The following AFF1 variants were observed in gnomAD, a reference collection of about 807,000 sequenced individuals.
AFF1 encodes ALF transcription elongation factor 1, also known as AF4/FMR2 family member 1.
Under a neutral mutation model 121.7 loss-of-function variants are expected in AFF1, and 48 were observed. The ratio of observed to expected loss-of-function variants is 0.39; its 90% CI spans 0.31 to 0.50. The LOEUF is 0.50. AFF1 is among the 20% of genes least tolerant of loss of function. The probability of loss-of-function intolerance (pLI) is 0.76; values close to 1 mark genes in which losing one functional copy is unlikely to be tolerated. For missense variants in AFF1, 1,523 were observed against 1,511.7 expected, an observed-to-expected ratio of 1.01 and a Z score of -0.12; for synonymous variants, 613 against 563.0, an observed-to-expected ratio of 1.09 and a Z score of -1.26.
At chr4:87,068,615 G>A (rs1469868830) in intron 4 of AFF1, among the ~76,000 whole-genome samples, 4 of 152,212 alleles carry the variant, frequency 2.6e-5, no homozygotes, top group African/African-American at 9.6e-5. Flanking sequence ...TGCTTTGCAC[G>A]AATCAAAACT....
chr4:87,074,537 A>C (rs988179372), intron 4 of AFF1, among the ~76,000 whole-genome samples: 4 of 152,238 alleles, frequency 2.6e-5, no homozygotes, highest in Non-Finnish European at 5.9e-5. Context: ...ACTGTCAAAC[A>C]GTGGTAAGTT....
At chr4:86,990,434 G>A (rs1724609907) in intron 2 of AFF1, among the ~76,000 whole-genome samples, 1 of 151,920 alleles carries the variant, frequency 6.6e-6, no homozygotes, top group South Asian at 2.1e-4. Context: ...GGTCAGCGTT[G>A]ATATCAAAGC....
At position 87,055,869 on chromosome 4, in the gene AFF1, G is replaced by A. The variant is rs574577586; in HGVS notation, c.1059+8275G>A. Among the ~76,000 whole-genome samples, 16 of 152,254 alleles carry A rather than the reference G, an allele frequency of 1.1e-4. No homozygotes were observed. The East Asian group carries it at 2.7e-3, about 26-fold the overall frequency. On this transcript the variant is annotated intron_variant, in intron 4 of 20. Transcript: ENST00000395146. ...TATTTCTTCTCTCCAGTTGCCAACA[G>A]CAATTTGACATTATTTTCCAAGGTT...
At chr4:86,943,980 T>C (rs1439576120) in intron 1 of AFF1, among the ~76,000 whole-genome samples, 3 of 148,998 alleles carry the variant, frequency 2.0e-5, no homozygotes, top group East Asian at 2.0e-4. Flanking sequence ...AAAACAATAA[T>C]AACATAAAAT....
chr4:87,085,923 G>A (rs1241896563), intron 5 of AFF1, among the ~76,000 whole-genome samples: 1 of 152,032 alleles, frequency 6.6e-6, no homozygotes, highest in African/African-American at 2.4e-5. Context: ...ATTTTTAGTA[G>A]AGACGGTGTT....
At chr4:87,110,158 TCTCA>T (rs1489896446) in intron 11 of AFF1, among the ~76,000 whole-genome samples, 8 of 152,026 alleles carry the variant, frequency 5.3e-5, no homozygotes, top group African/African-American at 1.7e-4. Flanking sequence ...CTCTTAACTT[TCTCA>T]CTCCTTTTTT....
intron 10 of AFF1, among the ~76,000 whole-genome samples, chr4:87,106,064 C>G (rs191195704): frequency 6.6e-6 from 1 of 152,314 alleles, no homozygotes; most frequent in Admixed American, 6.5e-5. Flanking sequence ...TCATCTACAT[C>G]ATCAGTATAG....
intron 1 of AFF1, among the ~76,000 whole-genome samples, chr4:86,941,036 A>G (rs1720418286): frequency 6.6e-6 from 1 of 151,786 alleles, no homozygotes; most frequent in South Asian, 2.1e-4. Flanking sequence ...TGCAGTGAGC[A>G]GTGATCGAGA....
intron 4 of AFF1, among the ~76,000 whole-genome samples, chr4:87,062,233 A>G (rs1720856331): frequency 6.6e-6 from 1 of 152,248 alleles, no homozygotes; most frequent in Non-Finnish European, 1.5e-5. Context: ...GGGACGTCCA[A>G]GATCAAGGTG....
intron 2 of AFF1, among the ~76,000 whole-genome samples, chr4:87,008,167 G>A (rs976593919): frequency 6.6e-6 from 1 of 152,202 alleles, no homozygotes; most frequent in Non-Finnish European, 1.5e-5. Flanking sequence ...AGCAGTTGGT[G>A]CTAAGGGAGA....
At chr4:87,030,663 T>G (rs140194658) in intron 2 of AFF1, among the ~76,000 whole-genome samples, 4 of 146,790 alleles carry the variant, frequency 2.7e-5, no homozygotes, top group East Asian at 4.0e-4. Context: ...TTTTTTTTTT[T>G]CTTCCCCGTT....
chr4:87,071,476 A>G (rs1374319656), intron 4 of AFF1, among the ~76,000 whole-genome samples: 1 of 152,122 alleles, frequency 6.6e-6, no homozygotes, highest in Non-Finnish European at 1.5e-5. Flanking sequence ...ATATTGCTGT[A>G]TGCCAGTTAA....
rs756391912 is a variant in AFF1, at chr4:87,127,625, G to A, written c.2904-18G>A. 1.2e-6 allele frequency: 2 copies of A among 1,613,884 alleles called. No homozygotes were observed. Among genetic ancestry groups the A allele is most frequent in the Non-Finnish European group, 1.7e-6 (2 of 1,179,960 alleles). ...TTTTGGCTCATATGACCTGTCCCTGGTTTTTCCTCTTTTTCAGACAACAAG... is the reference window on the plus strand; with the variant it reads ...TTTTGGCTCATATGACCTGTCCCTGATTTTTCCTCTTTTTCAGACAACAAG... On this transcript the variant is annotated intron_variant, in intron 15 of 20. Coordinates refer to ENST00000395146, the MANE Select transcript of AFF1 (RefSeq NM_001166693.3).
At chr4:86,939,328 C>T (rs1214760731) in intron 1 of AFF1, among the ~76,000 whole-genome samples, 2 of 152,170 alleles carry the variant, frequency 1.3e-5, no homozygotes, top group African/African-American at 4.8e-5. Flanking sequence ...TACTATGGTA[C>T]ACTGTGTTGG....
At chr4:87,115,503 A>G (rs558562195) in intron 12 of AFF1, among the ~76,000 whole-genome samples, 9 of 149,448 alleles carry the variant, frequency 6.0e-5, no homozygotes, top group African/African-American at 2.0e-4. Flanking sequence ...AACACGTGTT[A>G]TGTCCTTCCA....
rs914368863 is a variant in AFF1, at chr4:87,045,047, G to C, written c.39-1119G>C. Among the ~76,000 whole-genome samples the C allele has an allele frequency of 3.3e-4, 50 of 152,264 alleles. 1 individual carries two copies. Among genetic ancestry groups the C allele is most frequent in the African/African-American group, 1.2e-3 (49 of 41,552 alleles). The stretch of plus-strand genomic sequence containing the variant: ...TTTTCATGAGAAGGCTGAATTAAAG[G>C]GATAAGATGTGGGGGAGGCAGGGAG... On this transcript the variant is annotated intron_variant, in intron 2 of 20. Coordinates refer to ENST00000395146, the MANE Select transcript of AFF1 (RefSeq NM_001166693.3).
At chr4:87,091,660 C>A in intron 6 of AFF1, 133 bp from the exon 7 acceptor site, 1 of 630,622 alleles carries the variant, frequency 1.6e-6, no homozygotes, top group Non-Finnish European at 2.7e-6. Flanking sequence ...GTATTCTCTA[C>A]ACTGTTTCCA....
chr4:87,081,880 T>C (rs929444027), intron 4 of AFF1, among the ~76,000 whole-genome samples: 1 of 152,196 alleles, frequency 6.6e-6, no homozygotes, highest in Non-Finnish European at 1.5e-5. Flanking sequence ...ATTTCTTCAG[T>C]CCTGGTTCAT....
At chr4:86,953,621 C>T (rs978276416) in intron 2 of AFF1, among the ~76,000 whole-genome samples, 27 of 152,190 alleles carry the variant, frequency 1.8e-4, no homozygotes, top group South Asian at 2.1e-4. Flanking sequence ...ACCTTCCTTC[C>T]GTCCCCCTTT....
Sources: allele counts gnomAD v4.1 joint callset (sites outside exome capture counted in the v4.1 genomes callset), GRCh38; gene constraint gnomAD v4.1.1; transcripts MANE v1.5; gene names NCBI Gene and HGNC (gene_info 2026-07-23, HGNC 2026-07-21).